Variants in IQGAP1 observed in about 807,000 individuals in gnomAD.
IQGAP1 encodes ras GTPase-activating-like protein IQGAP1.
In IQGAP1, 66 loss-of-function variants were observed where a neutral mutation model predicts 215.6. That is an observed-to-expected ratio of 0.31 (90% CI 0.25 to 0.38). The LOEUF is 0.38. Ranked by LOEUF, IQGAP1 falls within the 10% of genes least tolerant of loss-of-function variation. The probability of loss-of-function intolerance (pLI) is 1.00; values close to 1 mark genes in which losing one functional copy is unlikely to be tolerated. For missense variants in IQGAP1, 1,712 were observed against 1,997.1 expected (o/e 0.86, Z 2.72); for synonymous variants, 772 against 728.7 (o/e 1.06, Z -0.96).
chr15:90,489,178 G>A (rs887889860), intron 33 of IQGAP1, among the ~76,000 whole-genome samples: 1 of 149,998 alleles, frequency 6.7e-6, no homozygotes, highest in Non-Finnish European at 1.5e-5. Context: ...ACTCAGGCTG[G>A]ACTGCAGTGG....
Position 90,473,801 on chromosome 15 carries a change from A to G in IQGAP1, c.2433+3A>G, listed in dbSNP as rs1364539173. 2 of 1,612,604 alleles carry G rather than the reference A, an allele frequency of 1.2e-6. No individual in the cohort carries two copies. Among genetic ancestry groups the G allele is most frequent in the Non-Finnish European group, 1.7e-6 (2 of 1,179,290 alleles). On this transcript the variant is annotated splice_donor_region_variant and intron_variant, in intron 20 of 37. Coordinates refer to ENST00000268182, the MANE Select transcript of IQGAP1 (RefSeq NM_003870.4). Reference sequence around the variant, plus strand: ...CCCACAAAGATGAAGTTGTAAAGGTATGGTAGCCTGAACAGGGTTTCTCCA... The same window carrying G: ...CCCACAAAGATGAAGTTGTAAAGGTGTGGTAGCCTGAACAGGGTTTCTCCA...
At position 90,500,269 on chromosome 15, in the gene IQGAP1, G is replaced by T; in HGVS notation, c.*161G>T. The T allele has an allele frequency of 1.8e-6, 1 of 557,774 alleles. No homozygotes were observed. The highest frequency in any genetic ancestry group is 3.2e-6 in the Non-Finnish European group (1 of 309,190). 34.6% of individuals were successfully genotyped at this position (557,774 alleles called of 1,614,324 possible). A position where few individuals can be genotyped will look rare whatever the true frequency, so the allele number is the denominator to read the frequency against. ...ATTTTTAACTCCTCTCGCTCTGATG[G>T]GACATTTGTTACCCTTTTTTCATAG... is the stretch of plus-strand genomic sequence containing the variant. On this transcript the variant is annotated 3_prime_UTR_variant, in exon 38 of 38. Transcript: ENST00000268182.
At chr15:90,404,408 A>G (rs1964847638) in intron 2 of IQGAP1, among the ~76,000 whole-genome samples, 1 of 152,202 alleles carries the variant, frequency 6.6e-6, no homozygotes, top group Non-Finnish European at 1.5e-5. Flanking sequence ...ATGAGTGAAG[A>G]TGAGCATCTT....
At chr15:90,449,207 T>G (rs990573082) in intron 10 of IQGAP1, among the ~76,000 whole-genome samples, 5 of 152,168 alleles carry the variant, frequency 3.3e-5, no homozygotes, top group Non-Finnish European at 7.4e-5. Context: ...GGCTTTCTTT[T>G]TTGTCTAAAT....
chr15:90,482,431 A>T (rs1278488969), intron 28 of IQGAP1, 150 bp downstream of exon 28: 6 of 718,000 alleles, frequency 8.4e-6, no homozygotes, highest in Non-Finnish European at 1.4e-5. Context: ...TGTAATTGGT[A>T]AATGGTACCT....
chr15:90,448,073 G>A (rs892314941), intron 9 of IQGAP1, among the ~76,000 whole-genome samples: 5 of 152,160 alleles, frequency 3.3e-5, no homozygotes, highest in African/African-American at 1.2e-4. Context: ...TGCTAGTAAG[G>A]CATTTGCTGT....
At chr15:90,488,925 G>A (rs1966166154) in intron 33 of IQGAP1, among the ~76,000 whole-genome samples, 1 of 152,108 alleles carries the variant, frequency 6.6e-6, no homozygotes, top group Admixed American at 6.6e-5. Flanking sequence ...ATGGGAATTT[G>A]TCACTGCAGA....
intron 36 of IQGAP1, 123 bp from the exon 37 acceptor site, chr15:90,497,109 G>A: frequency 1.6e-6 from 1 of 611,596 alleles, no homozygotes; most frequent in South Asian, 2.1e-5. Flanking sequence ...AAGTACTTTT[G>A]ACCTGTATTT....
intron 2 of IQGAP1, chr15:90,393,924 C>G (rs1964674332): frequency 6.6e-6 from 1 of 152,056 alleles, no homozygotes; most frequent in Admixed American, 6.6e-5. Context: ...ACCTGGCGGT[C>G]GGGAGTTCGA....
At chr15:90,404,568 C>T (rs192871919) in intron 2 of IQGAP1, among the ~76,000 whole-genome samples, 5 of 151,948 alleles carry the variant, frequency 3.3e-5, no homozygotes, top group African/African-American at 4.8e-5. Context: ...CGTTGTACAC[C>T]GTGGGTGTTA....
At chr15:90,388,954 AAAG>A (rs1567109706) in intron 1 of IQGAP1, among the ~76,000 whole-genome samples, 1 of 152,186 alleles carries the variant, frequency 6.6e-6, no homozygotes. Context: ...AAGAAAAAAA[AAAG>A]AAGCAGAAAA....
intron 9 of IQGAP1, among the ~76,000 whole-genome samples, chr15:90,445,912 A>G (rs1415956180): frequency 6.6e-6 from 1 of 151,470 alleles, no homozygotes; most frequent in Non-Finnish European, 1.5e-5. Flanking sequence ...GCTCACTGCA[A>G]CCTCTGCCTC....
intron 5 of IQGAP1, among the ~76,000 whole-genome samples, chr15:90,438,541 T>C (rs1360808117): frequency 6.6e-6 from 1 of 152,178 alleles, no homozygotes; most frequent in Non-Finnish European, 1.5e-5. Flanking sequence ...ATATTCTTTA[T>C]CTAAAACTGT....
chr15:90,395,814 A>G (rs1176675793), intron 2 of IQGAP1, among the ~76,000 whole-genome samples: 1 of 152,226 alleles, frequency 6.6e-6, no homozygotes, highest in Non-Finnish European at 1.5e-5. Context: ...TGCAAGTGAG[A>G]AGAAAGTACG....
intron 2 of IQGAP1, among the ~76,000 whole-genome samples, chr15:90,395,531 A>G (rs1016110067): frequency 2.0e-5 from 3 of 152,146 alleles, no homozygotes; most frequent in African/African-American, 4.8e-5. Context: ...CGTGTTAGCC[A>G]GGATAGTCTT....
intron 2 of IQGAP1, among the ~76,000 whole-genome samples, chr15:90,417,634 A>C (rs1053025959): frequency 5.9e-5 from 9 of 152,220 alleles, no homozygotes; most frequent in Admixed American, 1.3e-4. Flanking sequence ...TATAGTTTGA[A>C]GTCAGGTAGC....
chr15:90,410,861 A>G (rs1964953792), intron 2 of IQGAP1, among the ~76,000 whole-genome samples: 1 of 151,914 alleles, frequency 6.6e-6, no homozygotes, highest in Non-Finnish European at 1.5e-5. Flanking sequence ...AAAAAAAAGA[A>G]AAAACATTCC....
intron 18 of IQGAP1, among the ~76,000 whole-genome samples, 178 bp downstream of exon 18, chr15:90,467,770 T>G (rs1331315317): frequency 6.6e-6 from 1 of 152,198 alleles, no homozygotes; most frequent in Non-Finnish European, 1.5e-5. Context: ...GGCCTGAATT[T>G]GTAAAACATC....
chr15:90,433,897 A>C, intron 5 of IQGAP1, 102 bp downstream of exon 5: 2 of 609,318 alleles, frequency 3.3e-6, no homozygotes, highest in Non-Finnish European at 5.7e-6. Flanking sequence ...TTTTTTGATT[A>C]GTTTCAAAAG....
Sources: gnomAD v4.1 joint callset for allele counts (sites outside exome capture counted in the v4.1 genomes callset) on GRCh38, gnomAD v4.1.1 for gene constraint, MANE v1.5 for transcripts, NCBI Gene and HGNC (gene_info 2026-07-23, HGNC 2026-07-21) for gene names.